IKZF2: variants seen among roughly 807,000 people sequenced by gnomAD.
IKZF2 encodes IKAROS family zinc finger 2.
Under a neutral mutation model 49.2 loss-of-function variants are expected in IKZF2, and 15 were observed. The observed-to-expected ratio is 0.30, with a 90% confidence interval of 0.20 to 0.47. The LOEUF (loss-of-function observed/expected upper bound fraction) is 0.47, where lower values mean the gene tolerates loss of function less well. IKZF2 is among the 20% of genes least tolerant of loss of function. IKZF2 has a pLI of 1.00. For missense variants in IKZF2, 567 were observed against 664.6 expected (o/e 0.85, Z 1.61); for synonymous variants, 227 against 221.4 (o/e 1.03, Z -0.23).
At position 213,070,984 on chromosome 2, in the gene IKZF2, G is replaced by A. The variant is rs1179610658; in HGVS notation, c.140-13885C>T. ...ACATCTAGTGAAGGTGCATTTAGTT[G>A]GGCGTCCTTCAACATTAGCCATTTA... On this transcript the variant is annotated intron_variant, in intron 4 of 8. Coordinates refer to ENST00000434687, the MANE Select transcript of IKZF2 (RefSeq NM_001387220.1). Among the ~76,000 whole-genome samples, 5 of 152,100 alleles carry A rather than the reference G, an allele frequency of 3.3e-5. No individual in the cohort carries two copies. In the East Asian group the frequency reaches 7.7e-4, roughly 23 times the overall value.
At position 213,026,754 on chromosome 2, in the gene IKZF2, C is replaced by T. The variant is rs181647925; in HGVS notation, c.575-4624G>A. ...TGGTATGAAAATGAGTTATTTTATA[C>T]ACTGTTATTTTATAACCTGCTTATT... On this transcript the variant is annotated intron_variant, in intron 6 of 8. Transcript: ENST00000434687. Among the ~76,000 whole-genome samples, 54 of 151,996 alleles carry T rather than the reference C, an allele frequency of 3.6e-4. 1 individual carries two copies. The highest frequency in any genetic ancestry group is 2.8e-3 in the Admixed American group (42 of 15,254).
intron 6 of IKZF2, among the ~76,000 whole-genome samples, chr2:213,038,531 A>C (rs1178438158): frequency 6.6e-6 from 1 of 152,112 alleles, no homozygotes; most frequent in Non-Finnish European, 1.5e-5. Context: ...AACATTTTGC[A>C]TGATACATAC....
rs149086650 is a variant in IKZF2 at position 213,111,772 on chromosome 2, T to A, written c.139+35936A>T. 4.9e-3 allele frequency among the ~76,000 whole-genome samples: 752 copies of A among 152,144 alleles called. 7 individuals carry two copies. Among genetic ancestry groups the A allele is most frequent in the African/African-American group, 0.017 (717 of 41,524 alleles). ...CTGTTTACTGGGTGTAGAGAATGGT[T>A]GTTAATTTTTGTCCTATGTTTTTTC... On this transcript the variant is annotated intron_variant, in intron 4 of 8. Coordinates refer to ENST00000434687, the MANE Select transcript of IKZF2 (RefSeq NM_001387220.1).
rs560917004 is a variant in IKZF2, at chr2:213,023,756, A to T, written c.575-1626T>A. On this transcript the variant is annotated intron_variant, in intron 6 of 8. Coordinates refer to ENST00000434687, the MANE Select transcript of IKZF2 (RefSeq NM_001387220.1). ...ACTGAACAAGTTTATTAACCAATTA[A>T]TACTTATTAAGCACTTACATTGAAG... Among the ~76,000 whole-genome samples, 7 of 152,318 alleles carry T rather than the reference A, an allele frequency of 4.6e-5. No homozygotes were observed. In the South Asian group the frequency reaches 1.2e-3, roughly 27 times the overall value.
intron 4 of IKZF2, among the ~76,000 whole-genome samples, chr2:213,125,441 A>G (rs1056606610): frequency 3.9e-5 from 6 of 152,194 alleles, no homozygotes; most frequent in East Asian, 1.9e-4. Context: ...AGAAATGTCA[A>G]ACATACGTAG....
In IKZF2 at chr2:213,007,404, C is replaced by T; in HGVS notation, c.1537G>A (p.Glu513Lys). ...ICGYRSQDRY[E>K]FSSHIVRGEH... is the part of the protein sequence containing the mutation. ...CCTCGAACAATGTGTGATGAAAACT[C>T]ATAACGGTCCTGGCTTCTGTAGCCA... is the stretch of plus-strand genomic sequence containing the variant. The change falls in exon 9 of 9, where the codon GAG becomes AAG. Residue 513 changes from glutamate to lysine, a missense_variant. By Grantham distance (56) the Glu-to-Lys change is moderately conservative. Transcript: ENST00000434687. 1 of 1,613,412 alleles carries T rather than the reference C, an allele frequency of 6.2e-7. No individual in the cohort carries two copies. The highest frequency in any genetic ancestry group is 8.5e-7 in the Non-Finnish European group (1 of 1,179,614).
intron 4 of IKZF2, among the ~76,000 whole-genome samples, chr2:213,132,153 C>G (rs1455364006): frequency 6.6e-6 from 1 of 152,054 alleles, no homozygotes; most frequent in Non-Finnish European, 1.5e-5. Context: ...GATACTATCC[C>G]AGTCGGTTAG....
intron 4 of IKZF2, among the ~76,000 whole-genome samples, chr2:213,128,956 T>C (rs1317064491): frequency 6.6e-6 from 1 of 151,810 alleles, no homozygotes; most frequent in South Asian, 2.1e-4. Context: ...CTGGCCAAGA[T>C]AAGGTTTTTT....
chr2:213,065,221 C>T (rs1272284842), intron 4 of IKZF2, among the ~76,000 whole-genome samples: 2 of 152,020 alleles, frequency 1.3e-5, no homozygotes, highest in African/African-American at 2.4e-5. Context: ...CACTTATCTG[C>T]TACCTTTTTT....
chr2:213,069,246 C>T (rs891970011), intron 4 of IKZF2, among the ~76,000 whole-genome samples: 6 of 152,096 alleles, frequency 3.9e-5, no homozygotes, highest in African/African-American at 1.4e-4. Flanking sequence ...CTACCTTGAT[C>T]CCTGTGACAA....
intron 4 of IKZF2, among the ~76,000 whole-genome samples, chr2:213,089,929 C>T (rs1398238506): frequency 6.6e-6 from 1 of 152,158 alleles, no homozygotes; most frequent in African/African-American, 2.4e-5. Context: ...GATCAAGAGA[C>T]ACTTCCTGAT....
At chr2:213,037,405 C>T (rs1223088788) in intron 6 of IKZF2, among the ~76,000 whole-genome samples, 1 of 152,106 alleles carries the variant, frequency 6.6e-6, no homozygotes, top group Non-Finnish European at 1.5e-5. Context: ...ATTGTATATG[C>T]TATTAAAAGT....
At chr2:213,029,495 G>T (rs1054734203) in intron 6 of IKZF2, among the ~76,000 whole-genome samples, 1 of 151,648 alleles carries the variant, frequency 6.6e-6, no homozygotes, top group Non-Finnish European at 1.5e-5. Flanking sequence ...AGTGATTTCC[G>T]GTTTTTATTC....
intron 6 of IKZF2, among the ~76,000 whole-genome samples, chr2:213,025,306 A>T (rs1455982689): frequency 6.6e-6 from 1 of 152,090 alleles, no homozygotes; most frequent in Admixed American, 6.6e-5. Flanking sequence ...CATTTTTATG[A>T]AACATCCACA....
intron 8 of IKZF2, among the ~76,000 whole-genome samples, chr2:213,010,596 G>A (rs1695837258): frequency 6.6e-6 from 1 of 152,088 alleles, no homozygotes; most frequent in South Asian, 2.1e-4. Context: ...CACACACCTA[G>A]GCCTGATGGC....
chr2:213,036,943 C>A (rs1559190236), intron 6 of IKZF2, among the ~76,000 whole-genome samples: 1 of 150,474 alleles, frequency 6.6e-6, no homozygotes, highest in Non-Finnish European at 1.5e-5. Flanking sequence ...ACAAAACACA[C>A]CACACACACA....
At chr2:213,082,907 A>G (rs1374588071) in intron 4 of IKZF2, among the ~76,000 whole-genome samples, 1 of 152,236 alleles carries the variant, frequency 6.6e-6, no homozygotes, top group African/African-American at 2.4e-5. Context: ...TTTGCAAAAT[A>G]TAATTTCAGA....
intron 2 of IKZF2, among the ~76,000 whole-genome samples, chr2:213,149,664 C>T (rs2061206007): frequency 6.6e-6 from 1 of 152,004 alleles, no homozygotes; most frequent in Non-Finnish European, 1.5e-5. Flanking sequence ...TATATTTAGC[C>T]CTGGCTCCTG....
At chr2:213,137,391 G>A (rs1031393753) in intron 4 of IKZF2, among the ~76,000 whole-genome samples, 7 of 151,990 alleles carry the variant, frequency 4.6e-5, no homozygotes, top group African/African-American at 1.4e-4. Context: ...TTTTTAAGGC[G>A]TAAGTCATTT....
Sources: gnomAD v4.1 joint callset for allele counts (sites outside exome capture counted in the v4.1 genomes callset) on GRCh38, gnomAD v4.1.1 for gene constraint, MANE v1.5 for transcripts, NCBI Gene and HGNC (gene_info 2026-07-23, HGNC 2026-07-21) for gene names.